ZCCHC24: variants seen among roughly 807,000 people sequenced by gnomAD.
ZCCHC24 encodes the protein zinc finger CCHC domain-containing protein 24.
ZCCHC24 carries 10 observed loss-of-function variants against 26.2 expected under a neutral mutation model. That is an observed-to-expected ratio of 0.38 (90% CI 0.24 to 0.65). The LOEUF is 0.65. Ranked by LOEUF, ZCCHC24 falls within the 30% of genes least tolerant of loss-of-function variation. The pLI is 0.54. For missense variants in ZCCHC24, 243 were observed against 329.1 expected (o/e 0.74, Z 2.03); for synonymous variants, 144 against 147.1 (o/e 0.98, Z 0.15).
intron 3 of ZCCHC24, among the ~76,000 whole-genome samples, chr10:79,393,611 G>C (rs1166159094): frequency 2.0e-5 from 3 of 152,226 alleles, no homozygotes; most frequent in African/African-American, 7.2e-5. Flanking sequence ...TGAAAGCCCT[G>C]CTGCTCTTGG....
chr10:79,411,747 T>C (rs1004937036), intron 2 of ZCCHC24, among the ~76,000 whole-genome samples: 3 of 150,746 alleles, frequency 2.0e-5, no homozygotes, highest in African/African-American at 7.3e-5. Flanking sequence ...CTAGGGAGAG[T>C]CTGAAGCAAC....
chr10:79,422,774 A>T (rs1856965762), intron 2 of ZCCHC24, among the ~76,000 whole-genome samples: 1 of 152,128 alleles, frequency 6.6e-6, no homozygotes, highest in African/African-American at 2.4e-5. Context: ...CCCTGTTCTT[A>T]GCTGGACACA....
At chr10:79,397,857 G>A (rs1856567520) in intron 2 of ZCCHC24, among the ~76,000 whole-genome samples, 1 of 152,216 alleles carries the variant, frequency 6.6e-6, no homozygotes, top group African/African-American at 2.4e-5. Context: ...CGTGGGGACT[G>A]GGGCCAGACT....
chr10:79,404,769 G>T (rs1589664688), intron 2 of ZCCHC24, among the ~76,000 whole-genome samples: 1 of 152,180 alleles, frequency 6.6e-6, no homozygotes, highest in Non-Finnish European at 1.5e-5. Context: ...CCTCACCGCA[G>T]AGCTGAGATG....
intron 2 of ZCCHC24, among the ~76,000 whole-genome samples, chr10:79,403,047 T>C (rs1856658690): frequency 1.3e-5 from 2 of 152,160 alleles, no homozygotes; most frequent in Admixed American, 1.3e-4. Context: ...TCCAAGGCCT[T>C]CCAAAGAAGT....
chr10:79,399,616 G>A (rs942988951), intron 2 of ZCCHC24, among the ~76,000 whole-genome samples: 3 of 152,162 alleles, frequency 2.0e-5, no homozygotes, highest in African/African-American at 7.2e-5. Flanking sequence ...GACTGAGCTC[G>A]GGGGAGGGAA....
intron 2 of ZCCHC24, among the ~76,000 whole-genome samples, chr10:79,413,167 C>T (rs1202404566): frequency 6.6e-6 from 1 of 152,214 alleles, no homozygotes; most frequent in African/African-American, 2.4e-5. Context: ...CAGCCTCTGC[C>T]CCTCCCCTCC....
chr10:79,392,194 C>G (rs1053723754), intron 3 of ZCCHC24, among the ~76,000 whole-genome samples: 1 of 152,134 alleles, frequency 6.6e-6, no homozygotes, highest in Admixed American at 6.5e-5. Flanking sequence ...GTGGACCCTC[C>G]GTACACCAGG....
chr10:79,408,382 G>A (rs1365657018), intron 2 of ZCCHC24, among the ~76,000 whole-genome samples: 1 of 152,178 alleles, frequency 6.6e-6, no homozygotes, highest in Non-Finnish European at 1.5e-5. Context: ...CTTGATGCCT[G>A]GATCCCAGGT....
intron 2 of ZCCHC24, among the ~76,000 whole-genome samples, chr10:79,424,177 T>C (rs1856995750): frequency 6.6e-6 from 1 of 152,220 alleles, no homozygotes; most frequent in Non-Finnish European, 1.5e-5. Context: ...TCTGATCTGA[T>C]AGTTCCCTAG....
intron 2 of ZCCHC24, among the ~76,000 whole-genome samples, chr10:79,415,037 C>T (rs1038302159): frequency 3.3e-5 from 5 of 152,186 alleles, no homozygotes; most frequent in South Asian, 2.1e-4. Flanking sequence ...CCTGACTCAC[C>T]GCATCTGTCT....
rs1318044089 is a variant in ZCCHC24 at position 79,385,219 on chromosome 10, A to C, written c.*1126T>G. ...ATCCCTCAGCTTGACTTCCTAAGAC[A>C]CCAAGTGAAGGGTCACGATGCGGGG... On this transcript the variant is annotated 3_prime_UTR_variant, in exon 4 of 4. Coordinates refer to ENST00000372336, the MANE Select transcript of ZCCHC24 (RefSeq NM_153367.4). This position sits in a 1 kb window ranked among gnomAD's most constrained non-coding sequence, Gnocchi z 4.3. The C allele has an allele frequency of 6.6e-6, 1 of 152,224 alleles. No homozygotes were observed. The highest frequency in any genetic ancestry group is 1.5e-5 in the Non-Finnish European group (1 of 68,024). The allele number at this position is 152,224 out of a possible 1,614,324, so 9.4% of individuals were successfully genotyped here. A position where few individuals can be genotyped will look rare whatever the true frequency, so the allele number is the denominator to read the frequency against.
intron 2 of ZCCHC24, among the ~76,000 whole-genome samples, chr10:79,420,278 C>G (rs1856919370): frequency 6.6e-6 from 1 of 152,184 alleles, no homozygotes; most frequent in African/African-American, 2.4e-5. Context: ...GGGCCTTCCC[C>G]TGTCCCCTCC....
chr10:79,409,594 G>A (rs1589666766), intron 2 of ZCCHC24, among the ~76,000 whole-genome samples: 2 of 152,192 alleles, frequency 1.3e-5, no homozygotes, highest in East Asian at 3.8e-4. Context: ...CTATCAGCCT[G>A]AGAGAAGTAT....
intron 2 of ZCCHC24, among the ~76,000 whole-genome samples, chr10:79,423,092 T>C (rs1174486569): frequency 2.0e-5 from 3 of 152,160 alleles, no homozygotes; most frequent in Admixed American, 6.5e-5. Context: ...TGAGCTTTAG[T>C]GGAGTGGTAG....
intron 2 of ZCCHC24, among the ~76,000 whole-genome samples, chr10:79,428,494 A>G (rs568853088): frequency 4.0e-5 from 4 of 100,484 alleles, no homozygotes; most frequent in African/African-American, 7.8e-5. Context: ...CAAGATAAAA[A>G]GAGCTCTGTG....
intron 2 of ZCCHC24, among the ~76,000 whole-genome samples, chr10:79,399,559 G>A (rs1712431016): frequency 1.3e-5 from 2 of 152,196 alleles, no homozygotes; most frequent in South Asian, 4.1e-4. Flanking sequence ...GCCCTTTGGG[G>A]ACCAGAGAGG....
At chr10:79,408,818 C>G (rs180915221) in intron 2 of ZCCHC24, among the ~76,000 whole-genome samples, 33 of 152,236 alleles carry the variant, frequency 2.2e-4, no homozygotes, top group Admixed American at 1.5e-3. Context: ...TGTCCCTGAC[C>G]CAGTCCCTAC....
At position 79,386,275 on chromosome 10, in the gene ZCCHC24, G is replaced by A. The variant is rs372724747; in HGVS notation, c.*70C>T. On this transcript the variant is annotated 3_prime_UTR_variant, in exon 4 of 4. Transcript: ENST00000372336. ...TGCACAGGGCGACACGCAGCCCCTC[G>A]GAGTAGCACAGGGAAGCAGCGTCTC... The A allele has an allele frequency of 1.9e-5, 28 of 1,453,742 alleles. No individual in the cohort carries two copies. Among genetic ancestry groups the A allele is most frequent in the East Asian group, 7.1e-5 (3 of 42,472 alleles). 90.1% of individuals were successfully genotyped at this position (1,453,742 alleles called of 1,614,324 possible).
Sources: gnomAD v4.1 joint callset for allele counts (sites outside exome capture counted in the v4.1 genomes callset) on GRCh38, gnomAD v4.1.1 for gene constraint, Gnocchi (gnomAD v3.1) non-coding constraint, MANE v1.5 for transcripts, NCBI Gene and HGNC (gene_info 2026-07-23, HGNC 2026-07-21) for gene names.